GFRAL: variants seen among roughly 807,000 people sequenced by gnomAD.
GFRAL encodes GDNF family receptor alpha like.
In GFRAL, 36 loss-of-function variants were observed where a neutral mutation model predicts 45.4. The observed-to-expected ratio is 0.79, with a 90% CI of 0.61 to 1.05. The LOEUF is 1.05. GFRAL is among the 50% of genes least tolerant of loss of function. The pLI, the probability that GFRAL is intolerant of heterozygous loss-of-function variation, is 0.00. For synonymous variants in GFRAL, 166 were observed against 154.1 expected (o/e 1.08, Z -0.57); for missense variants, 507 against 467.5 (o/e 1.08, Z -0.78).
At chr6:55,344,367 T>C (rs1768010613) in intron 3 of GFRAL, among the ~76,000 whole-genome samples, 1 of 152,126 alleles carries the variant, frequency 6.6e-6, no homozygotes, top group African/African-American at 2.4e-5. Context: ...ATCCCTGGGA[T>C]TCAAGGCTGG....
At chr6:55,328,156 T>C (rs1767788717) in intron 1 of GFRAL, among the ~76,000 whole-genome samples, 1 of 151,944 alleles carries the variant, frequency 6.6e-6, no homozygotes, top group South Asian at 2.1e-4. Context: ...TTACTTCTCT[T>C]GTATTGGATC....
intron 6 of GFRAL, among the ~76,000 whole-genome samples, chr6:55,363,015 GAGA>G (rs1198886796): frequency 2.6e-5 from 4 of 151,048 alleles, no homozygotes; most frequent in Admixed American, 6.6e-5. Context: ...AAAGAACAAG[GAGA>G]AGAAGTAGGA....
chr6:55,380,083 C>A (rs61624579), intron 6 of GFRAL, among the ~76,000 whole-genome samples: 15,157 of 151,922 alleles, frequency 0.1, 1,081 homozygotes, highest in African/African-American at 0.2. Context: ...TTGCAATAAA[C>A]ATGGAATGCA....
At chr6:55,368,359 G>A (rs1768396313) in intron 6 of GFRAL, among the ~76,000 whole-genome samples, 1 of 149,532 alleles carries the variant, frequency 6.7e-6, no homozygotes, top group African/African-American at 2.5e-5. Context: ...TTTTTTCAAA[G>A]TTTTCAACTT....
chr6:55,372,085 T>A (rs1203417335), intron 6 of GFRAL, among the ~76,000 whole-genome samples: 2 of 152,204 alleles, frequency 1.3e-5, no homozygotes, highest in African/African-American at 4.8e-5. Context: ...TATTTGGATT[T>A]TAAGCTACCT....
chr6:55,377,920 G>T (rs1768556250), intron 6 of GFRAL, among the ~76,000 whole-genome samples: 1 of 152,078 alleles, frequency 6.6e-6, no homozygotes, highest in Non-Finnish European at 1.5e-5. Flanking sequence ...ATGCAATACT[G>T]AGTTGTTTTC....
chr6:55,368,750 G>T (rs1285027020), intron 6 of GFRAL, among the ~76,000 whole-genome samples: 1 of 152,204 alleles, frequency 6.6e-6, no homozygotes, highest in Non-Finnish European at 1.5e-5. Context: ...CAGTTAGGCT[G>T]CTTGGGGGTC....
intron 6 of GFRAL, among the ~76,000 whole-genome samples, chr6:55,368,891 T>C (rs1212512637): frequency 6.6e-6 from 1 of 152,040 alleles, no homozygotes; most frequent in Non-Finnish European, 1.5e-5. Flanking sequence ...ACTGCTGTCT[T>C]TTTGTTTGTC....
At chr6:55,338,776 T>G (rs1161996697) in intron 3 of GFRAL, among the ~76,000 whole-genome samples, 1 of 152,202 alleles carries the variant, frequency 6.6e-6, no homozygotes, top group Non-Finnish European at 1.5e-5. Flanking sequence ...CTTGTTAAGC[T>G]GGATACTAGA....
intron 3 of GFRAL, among the ~76,000 whole-genome samples, chr6:55,337,746 G>T (rs1424493989): frequency 6.6e-6 from 1 of 151,978 alleles, no homozygotes; most frequent in African/African-American, 2.4e-5. Flanking sequence ...TTTCCTAATT[G>T]TCCTTTTTAA....
intron 3 of GFRAL, among the ~76,000 whole-genome samples, chr6:55,341,956 G>A (rs1767972066): frequency 6.6e-6 from 1 of 152,068 alleles, no homozygotes; most frequent in Admixed American, 6.6e-5. Context: ...AAGGAAGCGA[G>A]AAGAGAAGTT....
chr6:55,351,570 G>A lies in GFRAL; in HGVS notation c.688G>A (p.Asp230Asn), dbSNP rs1562053089. 4 of 1,598,448 alleles carry A rather than the reference G, an allele frequency of 2.5e-6. No homozygotes were observed. Among genetic ancestry groups the A allele is most frequent in the Non-Finnish European group, 3.4e-6 (4 of 1,167,814 alleles). The change falls in exon 5 of 9, where the codon GAT becomes AAT. Residue 230 changes from aspartate to asparagine, a missense_variant. Physicochemically the swap from Asp to Asn is conservative, Grantham distance 23. Transcript: ENST00000340465. ...CLSVIRSCQN[D>N]ELCRRHYRTF... ...CAGTGTAATTCGCAGCTGCCAAAAT[G>A]ATGAATTATGCAGGTGGGTAAAAAC...
At chr6:55,350,924 T>C (rs895978827) in intron 4 of GFRAL, among the ~76,000 whole-genome samples, 3 of 152,110 alleles carry the variant, frequency 2.0e-5, no homozygotes, top group African/African-American at 7.2e-5. Flanking sequence ...ATAAGCTACA[T>C]AGTTCAAATG....
At chr6:55,400,079 G>A (rs774879676) in intron 8 of GFRAL, among the ~76,000 whole-genome samples, 5 of 151,882 alleles carry the variant, frequency 3.3e-5, no homozygotes, top group Non-Finnish European at 5.9e-5. Context: ...ATTTCTAAAC[G>A]TCTAGTGTTT....
chr6:55,334,175 C>A (rs1037342581), intron 3 of GFRAL, among the ~76,000 whole-genome samples: 4 of 151,970 alleles, frequency 2.6e-5, no homozygotes, highest in Non-Finnish European at 4.4e-5. Context: ...GAGCCATAGA[C>A]CTCAGTAAGT....
chr6:55,353,411 C>T (rs568495305), intron 5 of GFRAL, among the ~76,000 whole-genome samples: 2 of 152,136 alleles, frequency 1.3e-5, no homozygotes, highest in African/African-American at 4.8e-5. Flanking sequence ...TTCCCTATAG[C>T]ACACATTCTA....
chr6:55,345,582 A>C (rs542599166), intron 3 of GFRAL, among the ~76,000 whole-genome samples: 1 of 152,360 alleles, frequency 6.6e-6, no homozygotes, highest in South Asian at 2.1e-4. Context: ...ACCTACAACC[A>C]TAAAAACCCT....
intron 3 of GFRAL, among the ~76,000 whole-genome samples, chr6:55,342,041 C>T (rs1011654222): frequency 2.0e-5 from 3 of 152,160 alleles, no homozygotes; most frequent in Non-Finnish European, 4.4e-5. Flanking sequence ...ACCAAATCTA[C>T]ATCTGATTGG....
chr6:55,351,465 G>C lies in GFRAL; in HGVS notation c.583G>C (p.Asp195His), dbSNP rs1224725337. The change falls in exon 5 of 9, where the codon GAT (aspartate) becomes CAT (histidine). Residue 195 changes from aspartate (D) to histidine (H), a missense_variant. Coordinates refer to ENST00000340465, the MANE Select transcript of GFRAL (RefSeq NM_207410.2). Reference protein sequence around the residue: ...MLAFCDCAQSDIPCQQSKEAL... With the variant: ...MLAFCDCAQSHIPCQQSKEAL... The stretch of plus-strand genomic sequence containing the variant: ...GGCTTTTTGTGACTGTGCTCAATCT[G>C]ATATACCTTGTCAGCAGTCCAAAGA... 6.2e-7 allele frequency: 1 copy of C among 1,613,594 alleles called. No individual in the cohort carries two copies. The highest frequency in any genetic ancestry group is 1.1e-5 in the South Asian group (1 of 91,066).
Sources: allele counts gnomAD v4.1 joint callset (sites outside exome capture counted in the v4.1 genomes callset), GRCh38; gene constraint gnomAD v4.1.1; transcripts MANE v1.5; gene names NCBI Gene and HGNC (gene_info 2026-07-23, HGNC 2026-07-21).